KIF3B: variants seen among roughly 807,000 people sequenced by gnomAD.
KIF3B encodes kinesin family member 3B, also known as kinesin-like protein KIF3B.
KIF3B carries 38 observed loss-of-function variants against 74.3 expected under a neutral mutation model. The ratio of observed to expected loss-of-function variants is 0.51; its 90% confidence interval spans 0.39 to 0.67. KIF3B has a LOEUF of 0.67. Among genes scored for constraint, KIF3B ranks in the 30% least tolerant of loss-of-function variants. The pLI is 0.00. For missense variants in KIF3B, 649 were observed against 932.0 expected (o/e 0.70, Z 3.95); for synonymous variants, 326 against 342.5 (o/e 0.95, Z 0.53).
intron 2 of KIF3B, among the ~76,000 whole-genome samples, chr20:32,312,696 C>G (rs1297946217): frequency 2.0e-5 from 3 of 152,140 alleles, no homozygotes; most frequent in Admixed American, 2.0e-4. Context: ...CCATGGTATT[C>G]CATTCTCCTG....
intron 1 of KIF3B, among the ~76,000 whole-genome samples, chr20:32,279,025 G>A (rs1378906611): frequency 6.7e-6 from 1 of 148,956 alleles, no homozygotes; most frequent in African/African-American, 2.5e-5. Context: ...GTGTGTTCAA[G>A]CGATTCTCCT....
chr20:32,283,899 C>T (rs1279682654), intron 1 of KIF3B, among the ~76,000 whole-genome samples: 1 of 152,088 alleles, frequency 6.6e-6, no homozygotes, highest in Non-Finnish European at 1.5e-5. Context: ...TCTCAAAGTG[C>T]TGGGATTACA....
chr20:32,295,270 CA>C (rs34465297), intron 1 of KIF3B, among the ~76,000 whole-genome samples: 1 of 150,900 alleles, frequency 6.6e-6, no homozygotes, highest in East Asian at 1.9e-4. Flanking sequence ...GTTTGGCTTA[CA>C]AAAAAGGTGA....
chr20:32,297,736 A>AT (rs1203770191), intron 1 of KIF3B, among the ~76,000 whole-genome samples: 1 of 151,986 alleles, frequency 6.6e-6, no homozygotes, highest in Non-Finnish European at 1.5e-5. Context: ...GAAGATTCCT[A>AT]TTGCTGCCAC....
At position 32,331,513 on chromosome 20, in the gene KIF3B, A is replaced by T. The variant is rs2047930114; in HGVS notation, c.*194A>T. 1 of 556,944 alleles carries T rather than the reference A, an allele frequency of 1.8e-6. No homozygotes were observed. Among genetic ancestry groups the T allele is most frequent in the South Asian group, 2.5e-5 (1 of 39,876 alleles). The allele number at this position is 556,944 out of a possible 1,614,324, so 34.5% of individuals were successfully genotyped here. On this transcript the variant is annotated 3_prime_UTR_variant, in exon 9 of 9. Transcript: ENST00000375712. ...AATCTGGCACTCAGCCCCTCTGGGA[A>T]ACATCTTTTAATTAGCATCTCAGAA...
intron 1 of KIF3B, among the ~76,000 whole-genome samples, chr20:32,292,335 C>T (rs575846264): frequency 5.9e-5 from 9 of 152,076 alleles, no homozygotes; most frequent in African/African-American, 2.2e-4. Context: ...ACATGATGGA[C>T]CTGTAATACC....
intron 5 of KIF3B, among the ~76,000 whole-genome samples, chr20:32,320,003 T>G (rs1216142359): frequency 6.6e-6 from 1 of 152,032 alleles, no homozygotes; most frequent in Non-Finnish European, 1.5e-5. Context: ...CAAGTGATTG[T>G]CCTGCTTCAG....
intron 1 of KIF3B, among the ~76,000 whole-genome samples, chr20:32,299,752 A>G (rs759573950): frequency 9.2e-5 from 14 of 151,684 alleles, no homozygotes; most frequent in Non-Finnish European, 1.6e-4. Context: ...TTATTATTCA[A>G]TTCCCCTATA....
chr20:32,323,108 ATATT>A (rs1258822696), intron 5 of KIF3B, among the ~76,000 whole-genome samples: 1 of 106,148 alleles, frequency 9.4e-6, no homozygotes, highest in Admixed American at 1.3e-4. Flanking sequence ...ATATTTATAT[ATATT>A]TATATATTTA....
rs767783403 is a variant in KIF3B at position 32,331,355 on chromosome 20, T to C, written c.*36T>C. The stretch of plus-strand genomic sequence containing the variant: ...TCCTCTCCCAGGGCGGAAACAGCAT[T>C]TGCCTTCTGAGAGAAGAGACTAGCA... On this transcript the variant is annotated 3_prime_UTR_variant, in exon 9 of 9. Transcript: ENST00000375712. 8 of 1,534,532 alleles carry C rather than the reference T, an allele frequency of 5.2e-6. No individual in the cohort carries two copies. Among genetic ancestry groups the C allele is most frequent in the Non-Finnish European group, 7.2e-6 (8 of 1,117,618 alleles).
At chr20:32,299,403 ATT>A (rs11473044) in intron 1 of KIF3B, among the ~76,000 whole-genome samples, 148 of 8,952 alleles carry the variant, frequency 0.017, 1 homozygote, top group African/African-American at 0.022. Flanking sequence ...ATATATATAT[ATT>A]TTTTTTTTTT....
intron 1 of KIF3B, among the ~76,000 whole-genome samples, chr20:32,280,365 T>C (rs562394212): frequency 3.5e-5 from 3 of 85,160 alleles, no homozygotes; most frequent in African/African-American, 2.7e-4. Flanking sequence ...AATGTTGATA[T>C]TTTTATACAG....
At chr20:32,328,828 T>C (rs1468470860) in intron 7 of KIF3B, among the ~76,000 whole-genome samples, 1 of 152,106 alleles carries the variant, frequency 6.6e-6, no homozygotes, top group Non-Finnish European at 1.5e-5. Flanking sequence ...AGGGACATCA[T>C]TGAGGACTAT....
In KIF3B at chr20:32,296,671, G is replaced by A. The variant is rs565065171; in HGVS notation, c.-65-13042G>A. On this transcript the variant is annotated intron_variant, in intron 1 of 8. Transcript: ENST00000375712. ...CCCTCATCCACCTAGCTCTTTTAGG[G>A]AAAGCCAGTGTTGTTATCTGGCAAT... Among the ~76,000 whole-genome samples, 18 of 152,228 alleles carry A rather than the reference G, an allele frequency of 1.2e-4. No individual in the cohort carries two copies. The East Asian group carries it at 3.5e-3, about 29-fold the overall frequency.
intron 2 of KIF3B, among the ~76,000 whole-genome samples, chr20:32,314,518 C>T (rs754389985): frequency 2.0e-5 from 3 of 149,274 alleles, no homozygotes; most frequent in Admixed American, 6.7e-5. Flanking sequence ...CCAGCCTGGG[C>T]GACAAAGCGA....
chr20:32,301,502 G>A (rs943562962), intron 1 of KIF3B, among the ~76,000 whole-genome samples: 6 of 151,556 alleles, frequency 4.0e-5, no homozygotes, highest in African/African-American at 4.8e-5. Flanking sequence ...TCAGCCTCCC[G>A]AGTAGCTGGG....
chr20:32,328,612 CAA>C (rs142664447), intron 7 of KIF3B, among the ~76,000 whole-genome samples: 5 of 131,088 alleles, frequency 3.8e-5, no homozygotes, highest in Non-Finnish European at 5.1e-5. Flanking sequence ...CACTCTGTCT[CAA>C]AAAAAAAAAA....
At chr20:32,323,293 TC>T (rs1183715882) in intron 5 of KIF3B, among the ~76,000 whole-genome samples, 1 of 149,256 alleles carries the variant, frequency 6.7e-6, no homozygotes, top group Non-Finnish European at 1.5e-5. Context: ...ATTCAGATTT[TC>T]TTGGTTTGCT....
At chr20:32,283,377 A>G (rs2047653026) in intron 1 of KIF3B, among the ~76,000 whole-genome samples, 1 of 151,724 alleles carries the variant, frequency 6.6e-6, no homozygotes. Context: ...GGTGGTGCGC[A>G]CCTGTAATCC....
Sources: allele counts gnomAD v4.1 joint callset (sites outside exome capture counted in the v4.1 genomes callset), GRCh38; gene constraint gnomAD v4.1.1; transcripts MANE v1.5; gene names NCBI Gene and HGNC (gene_info 2026-07-23, HGNC 2026-07-21).